The following SEC63 variants were observed in gnomAD, a reference collection of about 807,000 sequenced individuals.
The protein encoded by SEC63 is SEC63 protein translocation regulator.
A neutral mutation model predicts 116.2 loss-of-function variants in SEC63; 56 were observed. The ratio of observed to expected loss-of-function variants is 0.48; its 90% CI spans 0.39 to 0.60. The LOEUF (loss-of-function observed/expected upper bound fraction) is 0.60, where lower values mean the gene tolerates loss of function less well. SEC63 is among the 20% of genes least tolerant of loss of function. The pLI is 0.00. For missense variants in SEC63, 668 were observed against 900.0 expected, an observed-to-expected ratio of 0.74 and a Z score of 3.30; for synonymous variants, 273 against 294.6, an observed-to-expected ratio of 0.93 and a Z score of 0.75.
intron 2 of SEC63, among the ~76,000 whole-genome samples, chr6:107,928,472 G>A (rs1787726792): frequency 6.8e-6 from 1 of 146,800 alleles, no homozygotes; most frequent in African/African-American, 2.5e-5. Flanking sequence ...CTGGGCAACA[G>A]AGCAAGACTC....
At chr6:107,897,497 T>C (rs1786884916) in intron 14 of SEC63, 152 bp downstream of exon 14, 1 of 673,730 alleles carries the variant, frequency 1.5e-6, no homozygotes. Flanking sequence ...AACTGTCTCA[T>C]GAAAATTAAT....
intron 1 of SEC63, among the ~76,000 whole-genome samples, chr6:107,952,782 T>TA: frequency 6.6e-6 from 1 of 152,218 alleles, no homozygotes; most frequent in Admixed American, 6.5e-5. Flanking sequence ...AAAAATTACT[T>TA]AAACTGAACT....
intron 14 of SEC63, among the ~76,000 whole-genome samples, chr6:107,894,503 A>C (rs961275884): frequency 8.5e-5 from 1 of 11,734 alleles, no homozygotes; most frequent in Non-Finnish European, 1.6e-4. Flanking sequence ...GCGAGACCCC[A>C]TATCTATAAA....
At chr6:107,917,620 A>G (rs948253504) in intron 4 of SEC63, among the ~76,000 whole-genome samples, 3 of 152,214 alleles carry the variant, frequency 2.0e-5, no homozygotes, top group Admixed American at 6.5e-5. Flanking sequence ...AGGAACTTAA[A>G]AGTGAACACA....
rs200112157 is a variant in SEC63 at position 107,893,901 on chromosome 6, G to C, written c.1441-4C>G. On this transcript the variant is annotated splice_polypyrimidine_tract_variant and splice_region_variant and intron_variant, in intron 14 of 20. Coordinates refer to ENST00000369002, the MANE Select transcript of SEC63 (RefSeq NM_007214.5). ...ACTGCTCCTTTTCAAATACTTCCTG[G>C]GGGGCGGCAAGAAGAGAAATACAAA... The C allele has an allele frequency of 1.2e-4, 188 of 1,613,826 alleles. 1 individual carries two copies. The African/African-American group carries it at 2.3e-3, about 20-fold the overall frequency.
chr6:107,948,223 C>T (rs1037137174), intron 1 of SEC63, among the ~76,000 whole-genome samples: 1 of 152,080 alleles, frequency 6.6e-6, no homozygotes, highest in African/African-American at 2.4e-5. Flanking sequence ...TAACACATAT[C>T]GTAATGTGTT....
At position 107,906,733 on chromosome 6, in the gene SEC63, A is replaced by G. The variant is rs1257292184; in HGVS notation, c.778T>C (p.Tyr260His). The change falls in exon 9 of 21, where the codon TAT becomes CAT. Residue 260 changes from tyrosine (Y) to histidine (H), a missense_variant. Tyr to His is a moderately conservative substitution (Grantham distance 83). Around this residue, in one of 5 missense-constraint regions of SEC63, gnomAD observed 430 missense variants for 557.5 expected, o/e 0.77. Coordinates refer to ENST00000369002, the MANE Select transcript of SEC63 (RefSeq NM_007214.5). ...GGTCTGCTTGTGGCATCTTTATTATACTGAGGATCAAATTCAGAAGCTCCA... is the reference window on the plus strand; with the variant it reads ...GGTCTGCTTGTGGCATCTTTATTATGCTGAGGATCAAATTCAGAAGCTCCA... ...LAGASEFDPQYNKDATSRPTD... is the reference protein window; with the variant it reads ...LAGASEFDPQHNKDATSRPTD... 5.6e-6 allele frequency: 9 copies of G among 1,613,886 alleles called. No individual in the cohort carries two copies. The highest frequency in any genetic ancestry group is 1.7e-5 in the Admixed American group (1 of 59,992).
intron 14 of SEC63, among the ~76,000 whole-genome samples, chr6:107,896,919 G>T (rs536833089): frequency 1.5e-3 from 233 of 151,968 alleles, no homozygotes; most frequent in African/African-American, 5.4e-3. Flanking sequence ...ATGGGAGGTT[G>T]CAGTGAGCCA....
rs1319099993 is a variant in SEC63 at position 107,870,691 on chromosome 6, T to A, written c.*1013A>T. 1 of 152,146 alleles carries A rather than the reference T, an allele frequency of 6.6e-6. No homozygotes were observed. The highest frequency in any genetic ancestry group is 6.6e-5 in the Admixed American group (1 of 15,266). 9.4% of individuals were successfully genotyped at this position (152,146 alleles called of 1,614,324 possible). ...GTAATGTACAATACTATTCAATCTT[T>A]AGTTGAAAAATAAAGAAGTGGATTG... On this transcript the variant is annotated 3_prime_UTR_variant, in exon 21 of 21. Transcript: ENST00000369002.
At position 107,873,985 on chromosome 6, in the gene SEC63, T is replaced by C. The variant is rs151090378; in HGVS notation, c.2035-1073A>G. Among the ~76,000 whole-genome samples, 77 of 152,268 alleles carry C rather than the reference T, an allele frequency of 5.1e-4. No individual in the cohort carries two copies. The East Asian group carries it at 0.013, about 26-fold the overall frequency. On this transcript the variant is annotated intron_variant, in intron 19 of 20. Transcript: ENST00000369002. The stretch of plus-strand genomic sequence containing the variant: ...AATCATCAACATATGTTTAAAACGA[T>C]TGGGTAAAACACTGTTGGAGAATAG...
intron 7 of SEC63, among the ~76,000 whole-genome samples, chr6:107,910,950 A>T (rs968417345): frequency 6.6e-6 from 1 of 151,968 alleles, no homozygotes; most frequent in African/African-American, 2.4e-5. Context: ...CCCTAAATTG[A>T]TCTGCCCACC....
At chr6:107,908,868 AC>A in intron 8 of SEC63, 58 bp downstream of exon 8, 1 of 899,908 alleles carries the variant, frequency 1.1e-6, no homozygotes, top group Non-Finnish European at 1.8e-6. Context: ...ATATATATCA[AC>A]CCCACATAAG....
intron 1 of SEC63, among the ~76,000 whole-genome samples, chr6:107,954,282 A>G (rs1350711390): frequency 6.6e-6 from 1 of 151,682 alleles, no homozygotes; most frequent in Admixed American, 6.6e-5. Flanking sequence ...GCTCGTTAAG[A>G]GTCATCACCA....
At chr6:107,913,086 G>A (rs1222267610) in intron 5 of SEC63, among the ~76,000 whole-genome samples, 1 of 152,066 alleles carries the variant, frequency 6.6e-6, no homozygotes, top group Non-Finnish European at 1.5e-5. Flanking sequence ...AAAATGTGAA[G>A]TCTGTAAAGA....
intron 13 of SEC63, among the ~76,000 whole-genome samples, chr6:107,898,904 T>C (rs1786928759): frequency 6.6e-6 from 1 of 152,204 alleles, no homozygotes; most frequent in Non-Finnish European, 1.5e-5. Context: ...CCTCCAATAA[T>C]CTGCAATTGC....
intron 1 of SEC63, among the ~76,000 whole-genome samples, chr6:107,933,055 A>G (rs1051314469): frequency 1.3e-5 from 2 of 152,154 alleles, no homozygotes; most frequent in Non-Finnish European, 1.5e-5. Flanking sequence ...GACCATAATC[A>G]CAGGGGTACT....
rs372494545 is a variant in SEC63, at chr6:107,957,951, G to A, written c.59C>T (p.Thr20Ile). The change falls in exon 1 of 21, where the codon ACC (threonine) becomes ATC (isoleucine). Residue 20 changes from threonine (T) to isoleucine (I), a missense_variant. Thr to Ile is a moderately conservative substitution (Grantham distance 89). This residue lies in a region of SEC63 where 142 missense variants were observed against 169.5 expected (regional missense o/e 0.84). Transcript: ENST00000369002. ...DSGNTFFYFL[T>I]SFVGLIVIPA... Reference sequence around the variant, plus strand: ...GATCACGATGAGCCCCACGAAGGAGGTGAGGAAGTAGAAGAAGGTGTTCCC... The same window carrying A: ...GATCACGATGAGCCCCACGAAGGAGATGAGGAAGTAGAAGAAGGTGTTCCC... The A allele has an allele frequency of 7.4e-6, 12 of 1,613,400 alleles. No homozygotes were observed. Among genetic ancestry groups the A allele is most frequent in the East Asian group, 2.2e-5 (1 of 44,850 alleles).
intron 1 of SEC63, among the ~76,000 whole-genome samples, chr6:107,934,689 C>G (rs1306461477): frequency 1.7e-4 from 12 of 71,868 alleles, no homozygotes; most frequent in Non-Finnish European, 1.7e-4. Flanking sequence ...AGCCCCCTGC[C>G]CGGCCAGCCG....
chr6:107,924,411 T>A (rs1393765777), intron 3 of SEC63, among the ~76,000 whole-genome samples: 2 of 151,732 alleles, frequency 1.3e-5, no homozygotes, highest in African/African-American at 4.8e-5. Context: ...ACCCCGTTTC[T>A]ACTAAAAATA....
Sources: gnomAD v4.1 joint callset for allele counts (sites outside exome capture counted in the v4.1 genomes callset) on GRCh38, gnomAD v4.1.1 for gene constraint, gnomAD v4.1.1 regional missense constraint, MANE v1.5 for transcripts, NCBI Gene and HGNC (gene_info 2026-07-23, HGNC 2026-07-21) for gene names.